Variants in DLGAP1 observed in about 807,000 individuals in gnomAD.
DLGAP1 encodes DLG associated protein 1, also known as disks large-associated protein 1.
In DLGAP1, 11 loss-of-function variants were observed where a neutral mutation model predicts 90.8. The observed-to-expected ratio is 0.12, with a 90% confidence interval of 0.08 to 0.20. The LOEUF (loss-of-function observed/expected upper bound fraction) is 0.20. Ranked by LOEUF, DLGAP1 falls within the 10% of genes least tolerant of loss-of-function variation. DLGAP1 has a pLI of 1.00. For missense variants in DLGAP1, 1,050 were observed against 1,333.8 expected, an observed-to-expected ratio of 0.79 and a Z score of 3.31; for synonymous variants, 558 against 540.7, an observed-to-expected ratio of 1.03 and a Z score of -0.44.
chr18:3,919,658 G>T (rs368974082), intron 3 of DLGAP1, among the ~76,000 whole-genome samples: 5 of 152,360 alleles, frequency 3.3e-5, no homozygotes, highest in African/African-American at 1.2e-4. Flanking sequence ...ACAAGTGATT[G>T]CATGTTATCA....
chr18:4,360,473 G>C (rs1000947564), intron 1 of DLGAP1, among the ~76,000 whole-genome samples: 1 of 152,138 alleles, frequency 6.6e-6, no homozygotes, highest in Non-Finnish European at 1.5e-5. Context: ...TGAAAGTGAA[G>C]ACTTTCATCT....
At chr18:3,723,245 T>A (rs1316040499) in intron 7 of DLGAP1, among the ~76,000 whole-genome samples, 4 of 152,230 alleles carry the variant, frequency 2.6e-5, no homozygotes, top group Admixed American at 6.5e-5. Context: ...TTATGCCTGA[T>A]GACAGTTAAT....
intron 7 of DLGAP1, among the ~76,000 whole-genome samples, chr18:3,617,309 A>T (rs1210408955): frequency 6.6e-6 from 1 of 152,184 alleles, no homozygotes; most frequent in Non-Finnish European, 1.5e-5. Flanking sequence ...TAAACAAAAA[A>T]TACTGCTGGC....
At chr18:3,938,811 G>A (rs1168837126) in intron 3 of DLGAP1, among the ~76,000 whole-genome samples, 1 of 152,144 alleles carries the variant, frequency 6.6e-6, no homozygotes, top group Non-Finnish European at 1.5e-5. Context: ...GAGGTGGCTG[G>A]AGGCATGCTG....
intron 1 of DLGAP1, among the ~76,000 whole-genome samples, chr18:4,269,355 T>TA (rs1491301485): frequency 0.014 from 1,443 of 100,306 alleles, 5 homozygotes; most frequent in African/African-American, 0.043. Context: ...TATATATATA[T>TA]TTTTTTTTTT....
Position 4,354,253 on chromosome 18 carries a change from C to T in DLGAP1, c.-267+100753G>A, listed in dbSNP as rs142217301. Among the ~76,000 whole-genome samples, 887 of 152,282 alleles carry T rather than the reference C, an allele frequency of 5.8e-3. 12 individuals are homozygous for T. Among genetic ancestry groups the T allele is most frequent in the African/African-American group, 0.02 (837 of 41,548 alleles). On this transcript the variant is annotated intron_variant, in intron 1 of 12. Transcript: ENST00000315677. ...GTGAGTCACAGAAACCAGAACCCCT[C>T]TCCTCCAAAGCCAGTCATAAAACCT...
chr18:3,881,109 TTTTTCTTTTTC>T (rs1226487719), intron 3 of DLGAP1, among the ~76,000 whole-genome samples: 94 of 142,774 alleles, frequency 6.6e-4, no homozygotes, highest in Non-Finnish European at 1.1e-3. Context: ...CTTATTCTTT[TTTTTCTTTTTC>T]TTTTCTTTTT....
chr18:3,842,099 G>C (rs1174245104), intron 4 of DLGAP1, among the ~76,000 whole-genome samples: 1 of 149,326 alleles, frequency 6.7e-6, no homozygotes, highest in Non-Finnish European at 1.5e-5. Flanking sequence ...GTAGGGAAGA[G>C]AGGAGTTTGG....
chr18:4,321,923 G>A (rs1400008115), intron 1 of DLGAP1, among the ~76,000 whole-genome samples: 1 of 151,462 alleles, frequency 6.6e-6, no homozygotes, highest in Non-Finnish European at 1.5e-5. Flanking sequence ...CAGGCTGGGT[G>A]AGGGTGGTTC....
chr18:4,297,164 C>A (rs1047110946), intron 1 of DLGAP1, among the ~76,000 whole-genome samples: 1 of 151,896 alleles, frequency 6.6e-6, no homozygotes, highest in Non-Finnish European at 1.5e-5. Flanking sequence ...GGAAGATATG[C>A]CAATTTTATA....
chr18:4,074,064 A>G (rs1373859229), intron 2 of DLGAP1, among the ~76,000 whole-genome samples: 1 of 152,176 alleles, frequency 6.6e-6, no homozygotes, highest in Non-Finnish European at 1.5e-5. Flanking sequence ...AGTGAAATTC[A>G]TCTTTCTCCA....
At chr18:4,152,249 G>A (rs1342741347) in intron 1 of DLGAP1, among the ~76,000 whole-genome samples, 6 of 152,152 alleles carry the variant, frequency 3.9e-5, no homozygotes, top group Admixed American at 1.3e-4. Context: ...TTAAAATATT[G>A]TCAGAAGGGA....
At chr18:4,157,705 C>A (rs927304829) in intron 1 of DLGAP1, among the ~76,000 whole-genome samples, 1 of 152,170 alleles carries the variant, frequency 6.6e-6, no homozygotes, top group Non-Finnish European at 1.5e-5. Context: ...AGCCATTCTG[C>A]GCTGCCTCAT....
chr18:3,992,004 G>C (rs1475798434), intron 3 of DLGAP1, among the ~76,000 whole-genome samples: 1 of 152,122 alleles, frequency 6.6e-6, no homozygotes, highest in Non-Finnish European at 1.5e-5. Context: ...TCTCTCCCCT[G>C]ATGGCTAACC....
At chr18:4,336,523 C>G (rs1469352031) in intron 1 of DLGAP1, among the ~76,000 whole-genome samples, 1 of 152,168 alleles carries the variant, frequency 6.6e-6, no homozygotes, top group East Asian at 1.9e-4. Context: ...AGGATGAGCT[C>G]CTGTGACATA....
chr18:3,566,996 A>G (rs1261942016), intron 9 of DLGAP1, among the ~76,000 whole-genome samples: 1 of 152,192 alleles, frequency 6.6e-6, no homozygotes, highest in Non-Finnish European at 1.5e-5. Context: ...GTAAAGAGTA[A>G]TCTGAAGGAC....
At chr18:3,578,738 C>G (rs1047211489) in intron 8 of DLGAP1, among the ~76,000 whole-genome samples, 1 of 151,566 alleles carries the variant, frequency 6.6e-6, no homozygotes, top group Non-Finnish European at 1.5e-5. Flanking sequence ...TTGGCTCTGT[C>G]AACAAAAAGC....
rs142969995 is a variant in DLGAP1, at chr18:4,396,048, C to A, written c.-267+58958G>T. On this transcript the variant is annotated intron_variant, in intron 1 of 12. Coordinates refer to ENST00000315677, the MANE Select transcript of DLGAP1 (RefSeq NM_004746.4). ...CCACTAACAGATATTCTAACTCCAC[C>A]GGCTGCGGGCACAGGGAAAGCTAGA... 1.7e-4 allele frequency among the ~76,000 whole-genome samples: 26 copies of A among 152,266 alleles called. No individual in the cohort carries two copies. The East Asian group carries it at 4.8e-3, about 28-fold the overall frequency.
At chr18:3,763,385 C>T (rs958794869) in intron 5 of DLGAP1, among the ~76,000 whole-genome samples, 3 of 152,204 alleles carry the variant, frequency 2.0e-5, no homozygotes, top group African/African-American at 7.2e-5. Flanking sequence ...GGATTATCTT[C>T]CTTGCTCCTC....
Sources: allele counts gnomAD v4.1 joint callset (sites outside exome capture counted in the v4.1 genomes callset), GRCh38; gene constraint gnomAD v4.1.1; transcripts MANE v1.5; gene names NCBI Gene and HGNC (gene_info 2026-07-23, HGNC 2026-07-21).